BMPER: variants seen among roughly 807,000 people sequenced by gnomAD.
The protein encoded by BMPER is BMP-binding endothelial regulator protein.
Under a neutral mutation model 87.3 loss-of-function variants are expected in BMPER, and 45 were observed. The observed-to-expected ratio is 0.52, with a 90% CI of 0.41 to 0.66. The LOEUF (loss-of-function observed/expected upper bound fraction) is 0.66. BMPER is among the 30% of genes least tolerant of loss of function. The pLI is 0.00. For missense variants in BMPER, 784 were observed against 867.5 expected, an observed-to-expected ratio of 0.90 and a Z score of 1.21; for synonymous variants, 326 against 316.2, an observed-to-expected ratio of 1.03 and a Z score of -0.33.
At chr7:34,148,858 C>G (rs1791097635) in intron 14 of BMPER, among the ~76,000 whole-genome samples, 1 of 152,096 alleles carries the variant, frequency 6.6e-6, no homozygotes, top group South Asian at 2.1e-4. Context: ...TTTATACTAC[C>G]AGGAATCCTT....
chr7:33,907,713 A>C (rs952787893), intron 2 of BMPER, among the ~76,000 whole-genome samples: 6 of 152,244 alleles, frequency 3.9e-5, no homozygotes, highest in African/African-American at 1.2e-4. Context: ...CACTTTTGGC[A>C]AAATTTGGTT....
At chr7:34,041,705 G>T (rs748064578) in intron 6 of BMPER, among the ~76,000 whole-genome samples, 1 of 152,046 alleles carries the variant, frequency 6.6e-6, no homozygotes, top group Non-Finnish European at 1.5e-5. Flanking sequence ...CACTAAAGAC[G>T]TATTTCTCCC....
At chr7:34,048,847 T>C (rs570802238) in intron 7 of BMPER, among the ~76,000 whole-genome samples, 129 of 152,318 alleles carry the variant, frequency 8.5e-4, no homozygotes, top group African/African-American at 2.8e-3. Flanking sequence ...GTACACAAAG[T>C]CTCTGAACCA....
At chr7:33,993,376 C>T (rs1207428944) in intron 6 of BMPER, among the ~76,000 whole-genome samples, 1 of 151,850 alleles carries the variant, frequency 6.6e-6, no homozygotes, top group Non-Finnish European at 1.5e-5. Flanking sequence ...TTTCATCTTC[C>T]ATCACTGATA....
At chr7:34,081,832 T>C (rs991111072) in intron 12 of BMPER, among the ~76,000 whole-genome samples, 2 of 152,154 alleles carry the variant, frequency 1.3e-5, no homozygotes, top group African/African-American at 4.8e-5. Flanking sequence ...AACTATCAAT[T>C]TGTAAACCTC....
intron 13 of BMPER, among the ~76,000 whole-genome samples, chr7:34,121,194 CT>C (rs1413530886): frequency 6.6e-6 from 1 of 151,974 alleles, no homozygotes; most frequent in African/African-American, 2.4e-5. Context: ...AAAGAGATTT[CT>C]ACTATCCTCT....
chr7:34,127,357 C>T (rs1272078478), intron 13 of BMPER, among the ~76,000 whole-genome samples: 1 of 152,198 alleles, frequency 6.6e-6, no homozygotes, highest in Non-Finnish European at 1.5e-5. Context: ...TATTGTCCCC[C>T]TACCGCCAAT....
intron 6 of BMPER, among the ~76,000 whole-genome samples, chr7:34,027,228 A>C (rs576163216): frequency 6.6e-6 from 1 of 152,196 alleles, no homozygotes; most frequent in East Asian, 1.9e-4. Context: ...CACAAGGTAA[A>C]AACTATTTTT....
rs552050783 is a variant in BMPER at position 34,054,786 on chromosome 7, A to G, written c.787-377A>G. ...AAGGTGGCATAAAGCCGTGGAGGAG[A>G]CCCAAGAGAGCACTATTAGTGCAGG... On this transcript the variant is annotated intron_variant, in intron 8 of 14. Transcript: ENST00000649409. Among the ~76,000 whole-genome samples the G allele has an allele frequency of 1.2e-3, 183 of 152,256 alleles. 1 individual carries two copies. Among genetic ancestry groups the G allele is most frequent in the Middle Eastern group, 0.01 (3 of 294 alleles).
At chr7:33,945,412 G>A (rs1211540382) in intron 3 of BMPER, among the ~76,000 whole-genome samples, 2 of 151,812 alleles carry the variant, frequency 1.3e-5, no homozygotes, top group African/African-American at 4.8e-5. Context: ...CATGAGGCAG[G>A]CTAATTTTTT....
At chr7:34,013,821 A>T (rs186162548) in intron 6 of BMPER, among the ~76,000 whole-genome samples, 29 of 152,008 alleles carry the variant, frequency 1.9e-4, no homozygotes, top group African/African-American at 6.7e-4. Context: ...GAGTTATAGC[A>T]GCCATCAGTG....
chr7:34,123,410 T>G (rs1790312308), intron 13 of BMPER, among the ~76,000 whole-genome samples: 2 of 152,196 alleles, frequency 1.3e-5, no homozygotes, highest in Admixed American at 1.3e-4. Flanking sequence ...CTGGGGTATA[T>G]GTATTTCTTG....
intron 13 of BMPER, among the ~76,000 whole-genome samples, chr7:34,094,054 C>G (rs1352369361): frequency 6.6e-6 from 1 of 152,192 alleles, no homozygotes; most frequent in Admixed American, 6.5e-5. Context: ...CACACCTGGT[C>G]TGGGGGCTCC....
intron 13 of BMPER, among the ~76,000 whole-genome samples, chr7:34,122,865 A>G (rs1790296988): frequency 6.6e-6 from 1 of 152,172 alleles, no homozygotes; most frequent in Non-Finnish European, 1.5e-5. Context: ...TATTTACCTG[A>G]TTCGTTTGCA....
intron 13 of BMPER, among the ~76,000 whole-genome samples, chr7:34,114,530 TA>T (rs1353602814): frequency 6.6e-6 from 1 of 152,218 alleles, no homozygotes; most frequent in Non-Finnish European, 1.5e-5. Flanking sequence ...CATGTGCAAA[TA>T]AAAGAGGCAG....
intron 13 of BMPER, among the ~76,000 whole-genome samples, chr7:34,137,026 A>G (rs1790737690): frequency 6.6e-6 from 1 of 152,258 alleles, no homozygotes; most frequent in Admixed American, 6.5e-5. Flanking sequence ...TGCTGTTGCT[A>G]GGAAGCATAG....
At chr7:34,072,047 C>T (rs927953566) in intron 11 of BMPER, among the ~76,000 whole-genome samples, 1 of 152,062 alleles carries the variant, frequency 6.6e-6, no homozygotes, top group Admixed American at 6.5e-5. Flanking sequence ...GGTTGGATTC[C>T]GTCTTACAAC....
intron 8 of BMPER, among the ~76,000 whole-genome samples, chr7:34,053,220 G>T (rs1788191993): frequency 6.6e-6 from 1 of 152,136 alleles, no homozygotes; most frequent in South Asian, 2.1e-4. Context: ...CTCCAAAAGG[G>T]TGTTTTACTA....
At chr7:33,946,710 A>G (rs1784902131) in intron 3 of BMPER, among the ~76,000 whole-genome samples, 1 of 152,216 alleles carries the variant, frequency 6.6e-6, no homozygotes, top group South Asian at 2.1e-4. Context: ...ACTTTTACTT[A>G]TTTTCCTCCG....
Sources: gnomAD v4.1 joint callset for allele counts (sites outside exome capture counted in the v4.1 genomes callset) on GRCh38, gnomAD v4.1.1 for gene constraint, MANE v1.5 for transcripts, NCBI Gene and HGNC (gene_info 2026-07-23, HGNC 2026-07-21) for gene names.